INSL6: variants seen among roughly 807,000 people sequenced by gnomAD.
INSL6 encodes insulin like 6.
In INSL6, 16 loss-of-function variants were observed where a neutral mutation model predicts 9.4. That is an observed-to-expected ratio of 1.70 (90% CI 1.15 to 2.59). INSL6 has a LOEUF of 2.59. Ranked by LOEUF, INSL6 falls within the 30% of genes most tolerant of loss-of-function variation. The probability of loss-of-function intolerance (pLI) is 0.00; values close to 1 mark genes in which losing one functional copy is unlikely to be tolerated. For synonymous variants in INSL6, 154 were observed against 96.9 expected (o/e 1.59, Z -3.46); for missense variants, 391 against 257.3 (o/e 1.52, Z -3.56).
chr9:5,112,642 C>A, the INSL6 span: 1 of 1,004,926 alleles, frequency 1.0e-6, no homozygotes, highest in Admixed American at 2.7e-5. Context: ...GCGAGAAGCC[C>A]CAGACCAAAC....
chr9:5,032,308 CTCCACCTCTGGGGGCAGGGCA>C, the INSL6 span, among the ~76,000 whole-genome samples: 1 of 152,256 alleles, frequency 6.6e-6, no homozygotes, highest in Non-Finnish European at 1.5e-5. Context: ...CCTCTGTAGA[CTCCACCTCTGGGGGCAGGGCA>C]TAGCCAAACA....
At chr9:5,069,276 C>A in the INSL6 span, 1 of 1,003,364 alleles carries the variant, frequency 1.0e-6, no homozygotes, top group Non-Finnish European at 1.5e-6. Flanking sequence ...GAAGTATCTT[C>A]AGTACATTGA....
the INSL6 span, among the ~76,000 whole-genome samples, chr9:5,036,781 C>A: frequency 6.6e-6 from 1 of 152,142 alleles, no homozygotes; most frequent in African/African-American, 2.4e-5. Context: ...CTAGGCAATA[C>A]CATTCAGGAC....
chr9:4,998,664 C>G, the INSL6 span, among the ~76,000 whole-genome samples: 1 of 151,778 alleles, frequency 6.6e-6, no homozygotes, highest in Non-Finnish European at 1.5e-5. Flanking sequence ...ACAAATGTGG[C>G]TTTTCCTGTG....
intron 2 of INSL6, among the ~76,000 whole-genome samples, chr9:5,134,733 A>T (rs575384915): frequency 2.0e-5 from 3 of 152,242 alleles, no homozygotes; most frequent in Non-Finnish European, 4.4e-5. Flanking sequence ...CTGCAAAAAC[A>T]TGCCAAATTG....
chr9:5,089,045 G>C, the INSL6 span, among the ~76,000 whole-genome samples: 1,149 of 152,296 alleles, frequency 7.5e-3, 1 homozygote, highest in Non-Finnish European at 0.013. Flanking sequence ...GGAAGTTAGT[G>C]ACAAAAGTTT....
the INSL6 span, chr9:5,111,091 A>G: frequency 8.2e-7 from 1 of 1,221,112 alleles, no homozygotes; most frequent in Non-Finnish European, 1.1e-6. Flanking sequence ...CTCCTGGGGC[A>G]GCGGCGACCA....
At chr9:5,069,999 A>G in the INSL6 span, 1 of 1,608,078 alleles carries the variant, frequency 6.2e-7, no homozygotes. Flanking sequence ...ACAGAGGCCT[A>G]CTCATATGAA....
At chr9:5,065,503 C>T in the INSL6 span, among the ~76,000 whole-genome samples, 1 of 152,192 alleles carries the variant, frequency 6.6e-6, no homozygotes, top group Non-Finnish European at 1.5e-5. Flanking sequence ...TGAAAATATT[C>T]TATATCTGTG....
At chr9:5,034,499 C>T in the INSL6 span, among the ~76,000 whole-genome samples, 1 of 152,070 alleles carries the variant, frequency 6.6e-6, no homozygotes, top group South Asian at 2.1e-4. Context: ...TAAAGCACTC[C>T]TCAGCAAGTG....
At chr9:5,145,789 T>A (rs1824591544) in intron 2 of INSL6, among the ~76,000 whole-genome samples, 1 of 152,232 alleles carries the variant, frequency 6.6e-6, no homozygotes, top group Non-Finnish European at 1.5e-5. Context: ...AGTGTAGTTT[T>A]CAGCTCTATC....
At chr9:5,096,169 C>T in the INSL6 span, among the ~76,000 whole-genome samples, 234 of 152,242 alleles carry the variant, frequency 1.5e-3, no homozygotes, top group Middle Eastern at 3.4e-3. Flanking sequence ...AATAAAATGA[C>T]AATTCAAAAA....
At chr9:5,083,515 A>G in the INSL6 span, among the ~76,000 whole-genome samples, 1 of 152,166 alleles carries the variant, frequency 6.6e-6, no homozygotes, top group Admixed American at 6.5e-5. Context: ...TATAGCATTT[A>G]TTGTTTCTTT....
At chr9:5,112,461 C>A in the INSL6 span, 849 of 536,522 alleles carry the variant, frequency 1.6e-3, 8 homozygotes, top group African/African-American at 0.016. Flanking sequence ...AGCTGAAGGA[C>A]CCCCGGGACC....
the INSL6 span, among the ~76,000 whole-genome samples, chr9:4,994,824 T>A: frequency 1.3e-5 from 2 of 152,228 alleles, no homozygotes; most frequent in African/African-American, 4.8e-5. Flanking sequence ...CAAAACTCTC[T>A]GAGAGTTGTC....
the INSL6 span, among the ~76,000 whole-genome samples, chr9:5,026,463 T>C: frequency 6.6e-6 from 1 of 152,254 alleles, no homozygotes; most frequent in Non-Finnish European, 1.5e-5. Flanking sequence ...AATTAAGAAT[T>C]TAAGTCTTTC....
the INSL6 span, chr9:5,114,147 G>A: frequency 4.5e-5 from 18 of 397,776 alleles, no homozygotes; most frequent in South Asian, 4.0e-4. Flanking sequence ...CACCTTTGAG[G>A]ACAGTGCCAA....
chr9:5,104,259 A>G, the INSL6 span, among the ~76,000 whole-genome samples: 2 of 152,224 alleles, frequency 1.3e-5, no homozygotes, highest in Non-Finnish European at 2.9e-5. Context: ...AGAAATACAA[A>G]CTACCATCAG....
chr9:5,146,366 G>A (rs1463292374), intron 2 of INSL6, among the ~76,000 whole-genome samples: 1 of 152,178 alleles, frequency 6.6e-6, no homozygotes, highest in Non-Finnish European at 1.5e-5. Flanking sequence ...TGGATTCAGG[G>A]GTGCCTGCCT....
Sources: gnomAD v4.1 joint callset for allele counts (sites outside exome capture counted in the v4.1 genomes callset) on GRCh38, gnomAD v4.1.1 for gene constraint, MANE v1.5 for transcripts, NCBI Gene and HGNC (gene_info 2026-07-23, HGNC 2026-07-21) for gene names.